DIP2B: variants seen among roughly 807,000 people sequenced by gnomAD.
DIP2B encodes the protein DIP2 acetate--CoA ligase B (putative).
DIP2B carries 76 observed loss-of-function variants against 198.0 expected under a neutral mutation model. The observed-to-expected ratio is 0.38, with a 90% CI of 0.32 to 0.46. The LOEUF is 0.46. DIP2B is among the 20% of genes least tolerant of loss of function. DIP2B has a pLI of 0.99. For synonymous variants in DIP2B, 701 were observed against 739.1 expected (o/e 0.95, Z 0.84); for missense variants, 1,559 against 1,978.4 (o/e 0.79, Z 4.02).
At chr12:50,608,004 G>A (rs1958998760) in intron 1 of DIP2B, among the ~76,000 whole-genome samples, 1 of 152,118 alleles carries the variant, frequency 6.6e-6, no homozygotes, top group Non-Finnish European at 1.5e-5. Flanking sequence ...TGTTGGCCAG[G>A]CTGGTGTCAA....
At chr12:50,719,064 C>T in intron 25 of DIP2B, 29 bp downstream of exon 25, 2 of 1,606,800 alleles carry the variant, frequency 1.2e-6, no homozygotes, top group South Asian at 1.1e-5. Flanking sequence ...TATATCTAAT[C>T]AGCTGACTAC....
rs74705421 is a variant in DIP2B, at chr12:50,694,805, A to G, written c.1720-462A>G. ...GCAAAAAATTGTCATTAATAGGGAAATGCCTAAATAATTGTGATATAGCCA... is the reference window on the plus strand; with the variant it reads ...GCAAAAAATTGTCATTAATAGGGAAGTGCCTAAATAATTGTGATATAGCCA... On this transcript the variant is annotated intron_variant, in intron 14 of 37. Coordinates refer to ENST00000301180, the MANE Select transcript of DIP2B (RefSeq NM_173602.3). 8.0e-3 allele frequency among the ~76,000 whole-genome samples: 1,220 copies of G among 152,226 alleles called. 27 individuals carry two copies. The highest frequency in any genetic ancestry group is 0.028 in the African/African-American group (1,147 of 41,532).
intron 1 of DIP2B, among the ~76,000 whole-genome samples, chr12:50,566,058 T>A (rs1958560743): frequency 6.6e-6 from 1 of 152,204 alleles, no homozygotes; most frequent in Non-Finnish European, 1.5e-5. Flanking sequence ...TTTCTTTTTT[T>A]CTGAGACAGG....
chr12:50,675,055 C>G (rs1169767489), intron 6 of DIP2B, among the ~76,000 whole-genome samples: 1 of 152,150 alleles, frequency 6.6e-6, no homozygotes, highest in African/African-American at 2.4e-5. Flanking sequence ...CGCCACTGCA[C>G]TCCAGCCTGG....
At position 50,573,004 on chromosome 12, in the gene DIP2B, C is replaced by T. The variant is rs79476254; in HGVS notation, c.101-52972C>T. Among the ~76,000 whole-genome samples the T allele has an allele frequency of 7.1e-3, 1,087 of 152,290 alleles. 16 individuals carry two copies. The highest frequency in any genetic ancestry group is 0.025 in the African/African-American group (1,045 of 41,548). Reference sequence around the variant, plus strand: ...TAAAACAGAGAACACTCTTGGCACTCAGAAACTGATCAGGCATGTGCCATT... The same window carrying T: ...TAAAACAGAGAACACTCTTGGCACTTAGAAACTGATCAGGCATGTGCCATT... On this transcript the variant is annotated intron_variant, in intron 1 of 37. Transcript: ENST00000301180.
chr12:50,571,518 C>T (rs949473143), intron 1 of DIP2B, among the ~76,000 whole-genome samples: 1 of 141,260 alleles, frequency 7.1e-6, no homozygotes, highest in African/African-American at 2.6e-5. Flanking sequence ...AGATGGGAAT[C>T]GAATTATCTG....
intron 8 of DIP2B, chr12:50,680,016 T>C (rs1939011192): frequency 6.6e-6 from 1 of 152,094 alleles, no homozygotes; most frequent in African/African-American, 2.4e-5. Context: ...CCCAACACTT[T>C]GGGAGGCTGA....
Position 50,586,905 on chromosome 12 carries a change from C to T in DIP2B, c.101-39071C>T, listed in dbSNP as rs934386775. On this transcript the variant is annotated intron_variant, in intron 1 of 37. Transcript: ENST00000301180. The stretch of plus-strand genomic sequence containing the variant: ...TTTTTAAATAAAAAGCTATTATAAA[C>T]GTTTTGATCAAAATTTGCCCATATG... Among the ~76,000 whole-genome samples, 9 of 152,218 alleles carry T rather than the reference C, an allele frequency of 5.9e-5. No individual in the cohort carries two copies. The South Asian group carries it at 6.2e-4, about 11-fold the overall frequency.
intron 4 of DIP2B, among the ~76,000 whole-genome samples, chr12:50,663,988 C>G (rs1425169708): frequency 6.6e-6 from 1 of 151,952 alleles, no homozygotes; most frequent in Non-Finnish European, 1.5e-5. Context: ...TGTACACTGC[C>G]TGAGATGTTA....
At position 50,626,062 on chromosome 12, in the gene DIP2B, A is replaced by G. The variant is rs1299958875; in HGVS notation, c.172+15A>G. ...GCAGACACAAGGTAGGCAATAAAAA[A>G]TGGTTTCAACTTTTTCAGTATTTTT... On this transcript the variant is annotated intron_variant, in intron 2 of 37. Coordinates refer to ENST00000301180, the MANE Select transcript of DIP2B (RefSeq NM_173602.3). 6.2e-7 allele frequency: 1 copy of G among 1,613,290 alleles called. No homozygotes were observed. The highest frequency in any genetic ancestry group is 2.2e-5 in the East Asian group (1 of 44,882).
At chr12:50,634,256 C>T (rs1000580697) in intron 2 of DIP2B, among the ~76,000 whole-genome samples, 5 of 152,158 alleles carry the variant, frequency 3.3e-5, no homozygotes, top group Non-Finnish European at 7.3e-5. Flanking sequence ...TCAGACCACA[C>T]GCATTCTAAC....
intron 1 of DIP2B, among the ~76,000 whole-genome samples, chr12:50,560,756 AAAAT>A (rs1458546443): frequency 1.3e-5 from 2 of 152,208 alleles, no homozygotes; most frequent in African/African-American, 4.8e-5. Flanking sequence ...GTCTCAAAAA[AAAAT>A]AAATAAATAA....
At chr12:50,689,970 A>G (rs78072604) in intron 12 of DIP2B, among the ~76,000 whole-genome samples, 202 of 152,292 alleles carry the variant, frequency 1.3e-3, no homozygotes, top group African/African-American at 4.8e-3. Flanking sequence ...ACAATCAAAA[A>G]ATTGGGGCTG....
chr12:50,709,754 T>C (rs557378444), intron 22 of DIP2B, among the ~76,000 whole-genome samples: 17 of 152,128 alleles, frequency 1.1e-4, no homozygotes, highest in African/African-American at 4.1e-4. Context: ...TGAGCTATGA[T>C]CATGCCACTA....
intron 23 of DIP2B, among the ~76,000 whole-genome samples, chr12:50,716,483 G>A (rs1939718515): frequency 6.6e-6 from 1 of 152,084 alleles, no homozygotes; most frequent in Non-Finnish European, 1.5e-5. Flanking sequence ...AGCCAAGATT[G>A]TGCCACTGCA....
intron 3 of DIP2B, among the ~76,000 whole-genome samples, chr12:50,648,716 T>C (rs1318350715): frequency 1.3e-5 from 2 of 150,880 alleles, no homozygotes; most frequent in African/African-American, 4.9e-5. Context: ...CCTCCTTACT[T>C]GCAAGGGCTT....
rs929598339 is a variant in DIP2B at position 50,686,629 on chromosome 12, A to C, written c.1498A>C (p.Lys500Gln). ...TTCCAAGTACCTTTCAAAGCCACCG[A>C]AAGACTGGCAGCCACACATCTCACC... ...TDSKYLSKPP[K>Q]DWQPHISPAG... Residue 500 changes from lysine to glutamine, a missense_variant, in exon 12 of 38, where the codon AAA becomes CAA. By Grantham distance (53) the Lys-to-Gln change is moderately conservative. Transcript: ENST00000301180. 1 of 1,613,998 alleles carries C rather than the reference A, an allele frequency of 6.2e-7. No individual in the cohort carries two copies. The highest frequency in any genetic ancestry group is 1.7e-5 in the Admixed American group (1 of 59,990).
chr12:50,505,953 C>T (rs919677425), intron 1 of DIP2B, among the ~76,000 whole-genome samples: 6 of 151,698 alleles, frequency 4.0e-5, no homozygotes, highest in African/African-American at 1.5e-4. Flanking sequence ...GAGGAGGCTA[C>T]CGTTTACTTG....
In DIP2B at chr12:50,695,866, A is replaced by C. The variant is rs1483079237; in HGVS notation, c.1832A>C (p.Lys611Thr). Residue 611 changes from lysine (K) to threonine (T), a missense_variant, in exon 16 of 38, where the codon AAA (lysine) becomes ACA (threonine). Lys to Thr is a moderately conservative substitution (Grantham distance 78, BLOSUM62 -1). Transcript: ENST00000301180. ...HAHKAKVALV[K>T]CRDLHWAMMA... is the part of the protein sequence containing the mutation. ...TTTATAGCCAAGGTAGCTTTAGTAA[A>C]ATGTCGGGACTTGCACTGGGCTATG... 6.2e-7 allele frequency: 1 copy of C among 1,614,096 alleles called. No individual in the cohort carries two copies. The highest frequency in any genetic ancestry group is 1.1e-5 in the South Asian group (1 of 91,070).
Sources: allele counts gnomAD v4.1 joint callset (sites outside exome capture counted in the v4.1 genomes callset), GRCh38; gene constraint gnomAD v4.1.1; transcripts MANE v1.5; gene names NCBI Gene and HGNC (gene_info 2026-07-23, HGNC 2026-07-21).